Variants in EXT1 observed in about 807,000 individuals in gnomAD.
The protein encoded by EXT1 is exostosin glycosyltransferase 1, also known as exostosin-1.
In EXT1, 20 loss-of-function variants were observed where a neutral mutation model predicts 82.5. The observed-to-expected ratio is 0.24, with a 90% CI of 0.17 to 0.35. EXT1 has a LOEUF of 0.35. EXT1 is among the 10% of genes least tolerant of loss of function. The pLI is 1.00. For synonymous variants in EXT1, 348 were observed against 350.8 expected (o/e 0.99, Z 0.09); for missense variants, 757 against 936.5 (o/e 0.81, Z 2.50).
At chr8:117,860,205 A>C (rs1812657318) in intron 1 of EXT1, among the ~76,000 whole-genome samples, 1 of 151,780 alleles carries the variant, frequency 6.6e-6, no homozygotes, top group Admixed American at 6.6e-5. Flanking sequence ...TTGTAGCAAC[A>C]TGGGTGGAAC....
Position 117,796,659 on chromosome 8 carries a change from T to C in EXT1, c.*3053A>G, listed in dbSNP as rs1392111816. ...AAGATTCCAGTAACAAGCTTTCCCT[T>C]TTTTTTTGAAGCATCTATCTGAAAG... On this transcript the variant is annotated 3_prime_UTR_variant, in exon 11 of 11. Coordinates refer to ENST00000378204, the MANE Select transcript of EXT1 (RefSeq NM_000127.3). 1 of 151,776 alleles carries C rather than the reference T, an allele frequency of 6.6e-6. No homozygotes were observed. Among genetic ancestry groups the C allele is most frequent in the Non-Finnish European group, 1.5e-5 (1 of 67,908 alleles). The allele number at this position is 151,776 out of a possible 1,614,324, so 9.4% of individuals were successfully genotyped here.
chr8:117,878,284 TAAAC>T (rs1171339142), intron 1 of EXT1, among the ~76,000 whole-genome samples: 2 of 152,146 alleles, frequency 1.3e-5, no homozygotes, highest in Admixed American at 6.6e-5. Flanking sequence ...TCTAAATAAA[TAAAC>T]AAATACATAT....
At chr8:117,968,400 G>A (rs560087264) in intron 1 of EXT1, among the ~76,000 whole-genome samples, 2 of 152,232 alleles carry the variant, frequency 1.3e-5, no homozygotes, top group Non-Finnish European at 2.9e-5. Context: ...GATTATAGGT[G>A]TGAGTCACCA....
At chr8:118,046,068 T>C (rs1320010327) in intron 1 of EXT1, among the ~76,000 whole-genome samples, 2 of 152,052 alleles carry the variant, frequency 1.3e-5, no homozygotes, top group Non-Finnish European at 2.9e-5. Flanking sequence ...AGTGCTGGGA[T>C]TGCAGGCATG....
intron 1 of EXT1, among the ~76,000 whole-genome samples, chr8:117,839,440 C>G (rs150684496): frequency 5.3e-5 from 8 of 152,164 alleles, no homozygotes; most frequent in South Asian, 2.1e-4. Context: ...AATTCCATAC[C>G]CATATATGTG....
chr8:117,942,418 A>C (rs1383012569), intron 1 of EXT1, among the ~76,000 whole-genome samples: 2 of 152,148 alleles, frequency 1.3e-5, no homozygotes. Context: ...ATGATAAGAA[A>C]ATTATACTCA....
intron 1 of EXT1, among the ~76,000 whole-genome samples, chr8:118,076,542 C>G (rs944977737): frequency 2.0e-5 from 3 of 152,224 alleles, no homozygotes; most frequent in Admixed American, 2.0e-4. Flanking sequence ...TCCTCAAAGG[C>G]CTTGAAGGCC....
At chr8:117,979,010 C>A (rs1029945065) in intron 1 of EXT1, among the ~76,000 whole-genome samples, 5 of 152,102 alleles carry the variant, frequency 3.3e-5, no homozygotes, top group Non-Finnish European at 7.3e-5. Context: ...GTCCCACCAT[C>A]AGTTTCCAGG....
chr8:117,857,712 AC>A (rs79766223), intron 1 of EXT1, among the ~76,000 whole-genome samples: 72,670 of 151,538 alleles, frequency 0.48, 17,772 homozygotes, highest in Non-Finnish European at 0.54. Flanking sequence ...ACTCAAAAAA[AC>A]AAAGTAATTT....
chr8:117,907,309 T>C (rs1813561772), intron 1 of EXT1, among the ~76,000 whole-genome samples: 1 of 152,204 alleles, frequency 6.6e-6, no homozygotes, highest in South Asian at 2.1e-4. Context: ...CACCCTTACT[T>C]TTCTGAGCTT....
At chr8:118,086,692 A>G (rs1281365860) in intron 1 of EXT1, among the ~76,000 whole-genome samples, 1 of 152,216 alleles carries the variant, frequency 6.6e-6, no homozygotes. Flanking sequence ...ATTCATAATA[A>G]TATGAATGTT....
intron 1 of EXT1, among the ~76,000 whole-genome samples, chr8:117,957,926 A>G (rs1206199684): frequency 2.6e-5 from 4 of 152,230 alleles, no homozygotes; most frequent in Non-Finnish European, 5.9e-5. Context: ...CTTGAGATAA[A>G]GTTATCACCA....
chr8:117,983,682 T>C (rs569136978), intron 1 of EXT1, among the ~76,000 whole-genome samples: 107 of 152,294 alleles, frequency 7.0e-4, no homozygotes, highest in African/African-American at 2.4e-3. Context: ...TTAAACACCA[T>C]TTTAATAGAA....
intron 1 of EXT1, among the ~76,000 whole-genome samples, chr8:118,061,799 G>A (rs1451858255): frequency 6.6e-6 from 1 of 152,200 alleles, no homozygotes; most frequent in East Asian, 1.9e-4. Context: ...AAAATGTTCA[G>A]TAAACAGTTA....
chr8:117,932,748 T>C (rs1308603943), intron 1 of EXT1, among the ~76,000 whole-genome samples: 1 of 152,206 alleles, frequency 6.6e-6, no homozygotes, highest in Non-Finnish European at 1.5e-5. Flanking sequence ...TTCATCGAGA[T>C]GACCCAGAAA....
intron 1 of EXT1, among the ~76,000 whole-genome samples, chr8:117,881,243 G>T (rs559954942): frequency 6.6e-6 from 1 of 152,088 alleles, no homozygotes; most frequent in East Asian, 1.9e-4. Flanking sequence ...AAATGTCACC[G>T]TTTAATGGTT....
intron 10 of EXT1, among the ~76,000 whole-genome samples, chr8:117,804,131 T>C (rs1823204519): frequency 6.6e-6 from 1 of 152,230 alleles, no homozygotes; most frequent in Non-Finnish European, 1.5e-5. Flanking sequence ...ATTTATATGT[T>C]GAAGCTTAAT....
At chr8:117,850,267 C>T (rs1812431183) in intron 1 of EXT1, among the ~76,000 whole-genome samples, 2 of 152,224 alleles carry the variant, frequency 1.3e-5, no homozygotes, top group African/African-American at 4.8e-5. Flanking sequence ...GAGTCGTTGA[C>T]AGCTCCGCTG....
chr8:117,920,995 G>GT lies in EXT1; in HGVS notation c.963-83795dup, dbSNP rs1374428215. Among the ~76,000 whole-genome samples, 4 of 152,164 alleles carry GT rather than the reference G, an allele frequency of 2.6e-5. 1 individual carries two copies. Among genetic ancestry groups the GT allele is most frequent in the African/African-American group, 9.7e-5 (4 of 41,434 alleles). Reference sequence around the variant, plus strand: ...CAGGATGTACATTTGGAACAAGTTTGTATCTTCAAATTTGTAAAATACACC... The same window carrying GT: ...CAGGATGTACATTTGGAACAAGTTTGTTATCTTCAAATTTGTAAAATACACC... On this transcript the variant is annotated intron_variant, in intron 1 of 10. Coordinates refer to ENST00000378204, the MANE Select transcript of EXT1 (RefSeq NM_000127.3).
Sources: allele counts gnomAD v4.1 joint callset (sites outside exome capture counted in the v4.1 genomes callset), GRCh38; gene constraint gnomAD v4.1.1; transcripts MANE v1.5; gene names NCBI Gene and HGNC (gene_info 2026-07-23, HGNC 2026-07-21).